The following ALDH2 variants were observed in gnomAD, a reference collection of about 807,000 sequenced individuals.
ALDH2 encodes aldehyde dehydrogenase 2 family member.
In ALDH2, 44 loss-of-function variants were observed where a neutral mutation model predicts 59.6. The ratio of observed to expected loss-of-function variants is 0.74; its 90% CI spans 0.58 to 0.95. ALDH2 has a LOEUF of 0.95. Among genes scored for constraint, ALDH2 ranks in the 40% least tolerant of loss-of-function variants. The pLI is 0.00. For missense variants in ALDH2, 570 were observed against 696.3 expected (o/e 0.82, Z 2.04); for synonymous variants, 291 against 284.0 (o/e 1.02, Z -0.25).
At chr12:111,781,889 C>T (rs751728275) in intron 1 of ALDH2, 29 bp from the exon 2 acceptor site, 115 of 1,541,280 alleles carry the variant, frequency 7.5e-5, no homozygotes, top group Non-Finnish European at 1.0e-4. Flanking sequence ...GACAGCTGGT[C>T]CTGAGAACTT....
chr12:111,768,735 A>G (rs1040212987), intron 1 of ALDH2, among the ~76,000 whole-genome samples: 2 of 150,170 alleles, frequency 1.3e-5, no homozygotes, highest in East Asian at 3.9e-4. Context: ...TCCCAGCTAT[A>G]TGGGAGGCTG....
intron 7 of ALDH2, 92 bp downstream of exon 7, chr12:111,791,511 G>A (rs2068359401): frequency 2.1e-6 from 2 of 964,826 alleles, no homozygotes; most frequent in Non-Finnish European, 3.2e-6. Context: ...GCTCCCGGGT[G>A]TCAAGCGGAG....
At chr12:111,770,827 A>T (rs113349021) in intron 1 of ALDH2, among the ~76,000 whole-genome samples, 2 of 152,014 alleles carry the variant, frequency 1.3e-5, no homozygotes, top group African/African-American at 4.8e-5. Context: ...TTGTATTCTT[A>T]GTAGAGATGA....
Position 111,790,529 on chromosome 12 carries a change from C to G in ALDH2, c.648C>G (p.Leu216=), listed in dbSNP as rs144641798. ...VVMKVAEQTP[L]TALYVANLIK... Reference sequence around the variant, plus strand: ...TGAAGGTAGCTGAGCAGACACCCCTCACCGCCCTCTATGTGGCCAACCTGA... The same window carrying G: ...TGAAGGTAGCTGAGCAGACACCCCTGACCGCCCTCTATGTGGCCAACCTGA... The change falls in exon 6 of 13, where the codon CTC becomes CTG. Residue 216 remains leucine (L), a synonymous_variant. Coordinates refer to ENST00000261733, the MANE Select transcript of ALDH2 (RefSeq NM_000690.4). 1.3e-5 allele frequency: 21 copies of G among 1,614,208 alleles called. No homozygotes were observed. In the African/African-American group the frequency reaches 2.4e-4, roughly 18 times the overall value.
intron 1 of ALDH2, among the ~76,000 whole-genome samples, chr12:111,769,625 G>C (rs78274783): frequency 0.016 from 2,343 of 150,370 alleles, 69 homozygotes; most frequent in African/African-American, 0.054. Flanking sequence ...TCTGAAGCTC[G>C]CCGTCTCACT....
chr12:111,773,751 A>G (rs1164729840), intron 1 of ALDH2, among the ~76,000 whole-genome samples: 3 of 152,246 alleles, frequency 2.0e-5, no homozygotes, highest in Non-Finnish European at 1.5e-5. Flanking sequence ...AATTGAATAG[A>G]ATTTTAAAAT....
intron 1 of ALDH2, among the ~76,000 whole-genome samples, chr12:111,775,267 C>T (rs900014077): frequency 5.3e-5 from 8 of 152,134 alleles, no homozygotes; most frequent in Non-Finnish European, 7.4e-5. Flanking sequence ...GCGAGCCCCC[C>T]GCTCTCCCCT....
chr12:111,802,146 G>T (rs2068456629), intron 11 of ALDH2, among the ~76,000 whole-genome samples: 2 of 152,108 alleles, frequency 1.3e-5, no homozygotes, highest in South Asian at 4.1e-4. Context: ...GGCCGTGGTG[G>T]TTCACACCTG....
chr12:111,768,916 C>G (rs538360704), intron 1 of ALDH2, among the ~76,000 whole-genome samples: 406 of 152,276 alleles, frequency 2.7e-3, no homozygotes, highest in African/African-American at 8.2e-3. Flanking sequence ...CCTAGGAGTT[C>G]GAGGCTGCAG....
Position 111,809,592 on chromosome 12 carries a change from C to T in ALDH2, c.*17C>T. 1 of 1,613,984 alleles carries T rather than the reference C, an allele frequency of 6.2e-7. No individual in the cohort carries two copies. The stretch of plus-strand genomic sequence containing the variant: ...AACTCATAAGAATCATGCAAGCTTC[C>T]TCCCTCAGCCATTGATGGAAAGTTC... On this transcript the variant is annotated 3_prime_UTR_variant, in exon 13 of 13. Transcript: ENST00000261733.
chr12:111,783,277 G>C lies in ALDH2; in HGVS notation c.339G>C (p.Glu113Asp), dbSNP rs1164339131. The C allele has an allele frequency of 6.2e-7, 1 of 1,611,828 alleles. No homozygotes were observed. The highest frequency in any genetic ancestry group is 1.7e-5 in the Admixed American group (1 of 59,892). Residue 113 changes from glutamate to aspartate, a missense_variant, in exon 3 of 13, where the codon GAG becomes GAC. Glu to Asp is a conservative substitution (Grantham distance 45). Coordinates refer to ENST00000261733, the MANE Select transcript of ALDH2 (RefSeq NM_000690.4). ...TGAACCGCCTGGCCGATCTGATCGAGCGGGACCGGACCTACCTGGCGGTGA... is the reference window on the plus strand; with the variant it reads ...TGAACCGCCTGGCCGATCTGATCGACCGGGACCGGACCTACCTGGCGGTGA... ...RLLNRLADLIERDRTYLAALE... is the reference protein window; with the variant it reads ...RLLNRLADLIDRDRTYLAALE...
At chr12:111,806,949 A>G (rs564927508) in intron 12 of ALDH2, among the ~76,000 whole-genome samples, 1 of 151,168 alleles carries the variant, frequency 6.6e-6, no homozygotes, top group Admixed American at 6.6e-5. Flanking sequence ...AGCCTGGGCA[A>G]CAGAGCAAGA....
At chr12:111,792,486 G>A (rs2068368851) in intron 8 of ALDH2, 112 bp from the exon 9 acceptor site, 3 of 1,253,582 alleles carry the variant, frequency 2.4e-6, no homozygotes, top group Non-Finnish European at 3.2e-6. Flanking sequence ...CTGGCACCCA[G>A]CAGGCATCAA....
At chr12:111,783,425 G>T in intron 3 of ALDH2, 127 bp downstream of exon 3, 3 of 1,216,842 alleles carry the variant, frequency 2.5e-6, no homozygotes, top group Non-Finnish European at 3.4e-6. Context: ...GGGACTGATG[G>T]GAATGGCATA....
Position 111,790,507 on chromosome 12 carries a change from A to T in ALDH2, c.626A>T (p.Lys209Met), listed in dbSNP as rs781185157. Reference protein sequence around the residue: ...ALATGNVVVMKVAEQTPLTAL... With the variant: ...ALATGNVVVMMVAEQTPLTAL... ...GCAACTGGAAACGTGGTTGTGATGA[A>T]GGTAGCTGAGCAGACACCCCTCACC... Residue 209 changes from lysine (K) to methionine (M), a missense_variant, in exon 6 of 13, where the codon AAG (lysine) becomes ATG (methionine). Physicochemically the swap from Lys to Met is moderately conservative, Grantham distance 95. Transcript: ENST00000261733. 1 of 1,614,156 alleles carries T rather than the reference A, an allele frequency of 6.2e-7. No homozygotes were observed. Among genetic ancestry groups the T allele is most frequent in the Non-Finnish European group, 8.5e-7 (1 of 1,180,020 alleles).
Position 111,798,063 on chromosome 12 carries a change from T to C in ALDH2, c.1084-15T>C, listed in dbSNP as rs1176380254. The C allele has an allele frequency of 5.0e-6, 8 of 1,613,940 alleles. No homozygotes were observed. In the African/African-American group the frequency reaches 6.7e-5, roughly 13 times the overall value. ...AATCCGATGTCTCCATAACTCTGGG[T>C]TCCTTCTCCCACAGGTGGATGAAAC... On this transcript the variant is annotated splice_polypyrimidine_tract_variant and intron_variant, in intron 9 of 12. Transcript: ENST00000261733.
At chr12:111,769,572 CTTT>C (rs11442381) in intron 1 of ALDH2, among the ~76,000 whole-genome samples, 1 of 144,426 alleles carries the variant, frequency 6.9e-6, no homozygotes, top group Non-Finnish European at 1.5e-5. Flanking sequence ...GCACACCAGA[CTTT>C]TTTTTTTTTT....
intron 12 of ALDH2, among the ~76,000 whole-genome samples, chr12:111,805,098 T>C (rs149961069): frequency 7.6e-4 from 116 of 152,300 alleles, no homozygotes; most frequent in African/African-American, 2.7e-3. Context: ...GAATATTTGA[T>C]ATGAAAAATG....
At chr12:111,771,038 C>A (rs2068195647) in intron 1 of ALDH2, among the ~76,000 whole-genome samples, 1 of 151,972 alleles carries the variant, frequency 6.6e-6, no homozygotes, top group South Asian at 2.1e-4. Context: ...CCTTGGCCTC[C>A]CAAAGTGCTG....
Sources: gnomAD v4.1 joint callset for allele counts (sites outside exome capture counted in the v4.1 genomes callset) on GRCh38, gnomAD v4.1.1 for gene constraint, MANE v1.5 for transcripts, NCBI Gene and HGNC (gene_info 2026-07-23, HGNC 2026-07-21) for gene names.